The following NXN variants were observed in gnomAD, a reference collection of about 807,000 sequenced individuals.
NXN encodes nucleoredoxin.
Under a neutral mutation model 48.6 loss-of-function variants are expected in NXN, and 16 were observed. The observed-to-expected ratio is 0.33, with a 90% CI of 0.22 to 0.50. The LOEUF (loss-of-function observed/expected upper bound fraction) is 0.50, where lower values mean the gene tolerates loss of function less well. Ranked by LOEUF, NXN falls within the 20% of genes least tolerant of loss-of-function variation. NXN has a pLI of 0.98. For synonymous variants in NXN, 281 were observed against 269.6 expected (o/e 1.04, Z -0.41); for missense variants, 492 against 605.5 (o/e 0.81, Z 1.97).
chr17:897,910 A>C (rs2144890685), intron 1 of NXN, among the ~76,000 whole-genome samples: 2 of 152,158 alleles, frequency 1.3e-5, no homozygotes, highest in East Asian at 1.9e-4. Flanking sequence ...CGAACTCCTC[A>C]CCTCAGGTGA....
intron 4 of NXN, among the ~76,000 whole-genome samples, chr17:820,504 T>C (rs1309083235): frequency 6.9e-6 from 1 of 144,600 alleles, no homozygotes; most frequent in African/African-American, 2.6e-5. Flanking sequence ...CCCAGCTACT[T>C]GGGAGGCTGA....
rs554252039 is a variant in NXN at position 927,831 on chromosome 17, C to T, written c.360+51488G>A. On this transcript the variant is annotated intron_variant, in intron 1 of 7. Coordinates refer to ENST00000336868, the MANE Select transcript of NXN (RefSeq NM_022463.5). ...TTTCAAAAGAACTCCTAGAGACAGC[C>T]GTGCCCACTCGCCCCCTCACCAGCT... Among the ~76,000 whole-genome samples, 9 of 152,142 alleles carry T rather than the reference C, an allele frequency of 5.9e-5. No individual in the cohort carries two copies. The South Asian group carries it at 6.2e-4, about 11-fold the overall frequency.
intron 7 of NXN, among the ~76,000 whole-genome samples, chr17:801,969 G>C (rs9909740): frequency 6.6e-6 from 1 of 152,158 alleles, no homozygotes; most frequent in Non-Finnish European, 1.5e-5. Flanking sequence ...GGAAGCTTAC[G>C]CTGCCTCACT....
In NXN at chr17:800,777, A is replaced by G. The variant is rs2474695; in HGVS notation, c.*172T>C. 0.59 allele frequency: 246,730 copies of G among 418,022 alleles called. 73,688 individuals carry two copies. Among genetic ancestry groups the G allele is most frequent in the East Asian group, 0.7 (19,358 of 27,834 alleles). The allele number at this position is 418,022 out of a possible 1,614,324, so 25.9% of individuals were successfully genotyped here. A position where few individuals can be genotyped will look rare whatever the true frequency, so the allele number is the denominator to read the frequency against. On this transcript the variant is annotated 3_prime_UTR_variant, in exon 8 of 8. Transcript: ENST00000336868. ...GGTGGACTCTGCCGCTGCTGATTCCACACCCCAGGGTGCTGGCTGAGGAGT... is the reference window on the plus strand; with the variant it reads ...GGTGGACTCTGCCGCTGCTGATTCCGCACCCCAGGGTGCTGGCTGAGGAGT...
intron 1 of NXN, among the ~76,000 whole-genome samples, chr17:944,902 G>A (rs551822530): frequency 2.2e-4 from 34 of 152,146 alleles, no homozygotes; most frequent in Non-Finnish European, 3.8e-4. Flanking sequence ...ATAACAAACC[G>A]TGGAACACCT....
At chr17:838,089 CT>C (rs1364314927) in intron 1 of NXN, among the ~76,000 whole-genome samples, 2 of 148,642 alleles carry the variant, frequency 1.3e-5, no homozygotes, top group African/African-American at 5.0e-5. Context: ...TATTTTTCAT[CT>C]CTCTAAATCT....
intron 1 of NXN, among the ~76,000 whole-genome samples, chr17:887,506 A>G (rs956082614): frequency 6.6e-6 from 1 of 152,096 alleles, no homozygotes; most frequent in Admixed American, 6.6e-5. Flanking sequence ...GGGCATTTTC[A>G]GGCCTTCACT....
chr17:889,602 G>A (rs1360808847), intron 1 of NXN, among the ~76,000 whole-genome samples: 7 of 151,954 alleles, frequency 4.6e-5, no homozygotes, highest in African/African-American at 1.2e-4. Context: ...GCTTGAACCC[G>A]GGAGGCGGAG....
Position 957,726 on chromosome 17 carries a change from C to T in NXN, c.360+21593G>A, listed in dbSNP as rs138158891. On this transcript the variant is annotated intron_variant, in intron 1 of 7. Coordinates refer to ENST00000336868, the MANE Select transcript of NXN (RefSeq NM_022463.5). ...GGTCAAAAGCACCTGTCTCCTATCC[C>T]GTCAAGGAGGTCAAACCTCCTTGGT... 1.3e-3 allele frequency among the ~76,000 whole-genome samples: 205 copies of T among 152,146 alleles called. 2 individuals carry two copies. Among genetic ancestry groups the T allele is most frequent in the African/African-American group, 4.6e-3 (192 of 41,510 alleles).
intron 1 of NXN, among the ~76,000 whole-genome samples, chr17:890,846 C>T (rs960473688): frequency 6.6e-6 from 1 of 151,990 alleles, no homozygotes; most frequent in African/African-American, 2.4e-5. Flanking sequence ...GATTCTCCTC[C>T]CAGGCCTATC....
intron 1 of NXN, among the ~76,000 whole-genome samples, chr17:859,162 C>T (rs570299103): frequency 6.6e-6 from 1 of 152,302 alleles, no homozygotes; most frequent in Admixed American, 6.5e-5. Context: ...TGCAGTTTCC[C>T]GTCCAGCTCT....
intron 1 of NXN, among the ~76,000 whole-genome samples, chr17:882,306 C>T (rs1432566655): frequency 6.6e-6 from 1 of 152,060 alleles, no homozygotes; most frequent in Non-Finnish European, 1.5e-5. Context: ...ACCAACTACC[C>T]TCCACCCAGT....
At chr17:838,062 G>A (rs1279194710) in intron 1 of NXN, among the ~76,000 whole-genome samples, 1 of 150,744 alleles carries the variant, frequency 6.6e-6, no homozygotes, top group East Asian at 2.0e-4. Flanking sequence ...AGACTGGGTA[G>A]AAGGGGATTT....
chr17:864,001 A>G lies in NXN; in HGVS notation c.361-37923T>C, dbSNP rs575902002. 42 of 1,535,708 alleles carry G rather than the reference A, an allele frequency of 2.7e-5. No homozygotes were observed. The African/African-American group carries it at 5.3e-4, about 19-fold the overall frequency. ...GTTAACCATTGCTCAGTTTCGGTGAAAGGACACAGTTACCGTTGCTGGGTT... is the reference window on the plus strand; with the variant it reads ...GTTAACCATTGCTCAGTTTCGGTGAGAGGACACAGTTACCGTTGCTGGGTT... On this transcript the variant is annotated intron_variant, in intron 1 of 7. Coordinates refer to ENST00000336868, the MANE Select transcript of NXN (RefSeq NM_022463.5).
chr17:884,743 G>A lies in NXN; in HGVS notation c.361-58665C>T, dbSNP rs548396448. 5.3e-5 allele frequency among the ~76,000 whole-genome samples: 8 copies of A among 152,360 alleles called. 1 individual carries two copies. The East Asian group carries it at 1.3e-3, about 26-fold the overall frequency. ...CCAAACGTTCAGATACTAGAAAAGG[G>A]ATGGACGGTCCCTCGGGAATTAATA... On this transcript the variant is annotated intron_variant, in intron 1 of 7. Transcript: ENST00000336868.
chr17:853,227 T>C (rs2067944185), intron 1 of NXN, among the ~76,000 whole-genome samples: 1 of 152,178 alleles, frequency 6.6e-6, no homozygotes, highest in Admixed American at 6.5e-5. Context: ...GTGGATCACC[T>C]GAGGTCAGGA....
In NXN at chr17:800,915, G is replaced by C. The variant is rs751126271; in HGVS notation, c.*34C>G. 2.9e-6 allele frequency: 4 copies of C among 1,375,126 alleles called. No homozygotes were observed. The highest frequency in any genetic ancestry group is 2.8e-5 in the East Asian group (1 of 36,142). 85.2% of individuals were successfully genotyped at this position (1,375,126 alleles called of 1,614,324 possible). A position where few individuals can be genotyped will look rare whatever the true frequency, so the allele number is the denominator to read the frequency against. ...AGGAGGGGGAGGAGGAGAAGGCTGA[G>C]TTTTAAATAACGTCTCAGGAGGCCG... On this transcript the variant is annotated 3_prime_UTR_variant, in exon 8 of 8. Coordinates refer to ENST00000336868, the MANE Select transcript of NXN (RefSeq NM_022463.5).
intron 1 of NXN, among the ~76,000 whole-genome samples, chr17:838,209 A>G (rs1473801878): frequency 1.5e-5 from 2 of 129,536 alleles, no homozygotes; most frequent in African/African-American, 3.0e-5. Flanking sequence ...TCTGCTCACC[A>G]CAACCTCTGC....
chr17:878,579 G>A (rs961170137), intron 1 of NXN, among the ~76,000 whole-genome samples: 6 of 151,804 alleles, frequency 4.0e-5, no homozygotes, highest in African/African-American at 7.3e-5. Flanking sequence ...GGATCCACCC[G>A]TAATGAGGGC....
Sources: gnomAD v4.1 joint callset for allele counts (sites outside exome capture counted in the v4.1 genomes callset) on GRCh38, gnomAD v4.1.1 for gene constraint, MANE v1.5 for transcripts, NCBI Gene and HGNC (gene_info 2026-07-23, HGNC 2026-07-21) for gene names.